The following APAF1 variants were observed in gnomAD, a reference collection of about 807,000 sequenced individuals.
The protein encoded by APAF1 is apoptotic peptidase activating factor 1, also known as apoptotic protease-activating factor 1.
In APAF1, 91 loss-of-function variants were observed where a neutral mutation model predicts 152.4. The observed-to-expected ratio is 0.60, with a 90% CI of 0.50 to 0.71. The LOEUF is 0.71. Ranked by LOEUF, APAF1 falls within the 30% of genes least tolerant of loss-of-function variation. The pLI is 0.00. For missense variants in APAF1, 1,283 were observed against 1,472.0 expected, an observed-to-expected ratio of 0.87 and a Z score of 2.10; for synonymous variants, 484 against 494.1, an observed-to-expected ratio of 0.98 and a Z score of 0.27.
intron 4 of APAF1, among the ~76,000 whole-genome samples, chr12:98,653,482 C>T (rs1465865928): frequency 1.3e-5 from 2 of 149,696 alleles, no homozygotes; most frequent in African/African-American, 2.5e-5. Flanking sequence ...CATGGTGAAA[C>T]CCCGTCTCTA....
rs963280514 is a variant in APAF1, at chr12:98,732,635, T to C, written c.*69T>C. ...TTGGAAAAAAATTCTAATGAAACCC[T>C]GATATCAACTTTTTATAAAGCTCTT... On this transcript the variant is annotated 3_prime_UTR_variant, in exon 27 of 27. Coordinates refer to ENST00000551964, the MANE Select transcript of APAF1 (RefSeq NM_181861.2). The C allele has an allele frequency of 2.9e-6, 3 of 1,042,294 alleles. No individual in the cohort carries two copies. The highest frequency in any genetic ancestry group is 4.3e-6 in the Non-Finnish European group (3 of 698,996). The allele number at this position is 1,042,294 out of a possible 1,614,324, so 64.6% of individuals were successfully genotyped here. A position where few individuals can be genotyped will look rare whatever the true frequency, so the allele number is the denominator to read the frequency against.
At chr12:98,663,051 G>A (rs986796567) in intron 7 of APAF1, among the ~76,000 whole-genome samples, 1 of 152,170 alleles carries the variant, frequency 6.6e-6, no homozygotes, top group Non-Finnish European at 1.5e-5. Context: ...AGAGAAGTGA[G>A]ACACAGATGT....
rs768551064 is a variant in APAF1, at chr12:98,683,171, T to C, written c.2075T>C (p.Val692Ala). The C allele has an allele frequency of 1.9e-6, 3 of 1,613,368 alleles. No individual in the cohort carries two copies. In the African/African-American group the frequency reaches 4.0e-5, roughly 22 times the overall value. ...TGGAATTCTATGACTGGGGAACTAG[T>C]ACACACCTATGATGAGCACTCAGAG... Reference protein sequence around the residue: ...KIWNSMTGELVHTYDEHSEQV... With the variant: ...KIWNSMTGELAHTYDEHSEQV... The change falls in exon 15 of 27, where the codon GTA becomes GCA. Residue 692 changes from valine (V) to alanine (A), a missense_variant. Transcript: ENST00000551964.
At chr12:98,718,325 G>A (rs968217115) in intron 22 of APAF1, among the ~76,000 whole-genome samples, 1 of 151,822 alleles carries the variant, frequency 6.6e-6, no homozygotes, top group Non-Finnish European at 1.5e-5. Flanking sequence ...CTCCACCTCC[G>A]AGGTTCAAGT....
At chr12:98,692,990 A>C (rs2097705931) in intron 16 of APAF1, among the ~76,000 whole-genome samples, 1 of 152,138 alleles carries the variant, frequency 6.6e-6, no homozygotes, top group Admixed American at 6.5e-5. Context: ...TCACCGAACA[A>C]ATTTACATTC....
chr12:98,727,730 C>T (rs1476386778), intron 26 of APAF1, among the ~76,000 whole-genome samples: 2 of 152,088 alleles, frequency 1.3e-5, no homozygotes, highest in African/African-American at 4.8e-5. Flanking sequence ...CACCTGAGGT[C>T]AGGAGTTTGA....
chr12:98,686,847 A>G lies in APAF1; in HGVS notation c.2278A>G (p.Ser760Gly), dbSNP rs751896428. The G allele has an allele frequency of 6.2e-7, 1 of 1,614,008 alleles. No homozygotes were observed. Among genetic ancestry groups the G allele is most frequent in the Non-Finnish European group, 8.5e-7 (1 of 1,179,944 alleles). The change falls in exon 16 of 27, where the codon AGT (serine) becomes GGT (glycine). Residue 760 changes from serine (S) to glycine (G), a missense_variant. Transcript: ENST00000551964. ...TTCACCAGATGATAAGCTTTTGGCT[A>G]GTTGTTCAGCTGATGGAACCTTAAA... Reference protein sequence around the residue: ...RFSPDDKLLASCSADGTLKLW... With the variant: ...RFSPDDKLLAGCSADGTLKLW...
chr12:98,712,589 C>T (rs11109576), intron 21 of APAF1, 154 bp downstream of exon 21: 219,970 of 624,044 alleles, frequency 0.35, 40,343 homozygotes, highest in African/African-American at 0.56. Context: ...CGATCACAGC[C>T]GACTGCAGCC....
At chr12:98,712,960 G>C (rs1436133843) in intron 21 of APAF1, among the ~76,000 whole-genome samples, 1 of 151,704 alleles carries the variant, frequency 6.6e-6, no homozygotes, top group South Asian at 2.1e-4. Context: ...TGGGACTTCA[G>C]GTATGCACCA....
At chr12:98,710,499 T>G (rs2097726791) in intron 20 of APAF1, among the ~76,000 whole-genome samples, 1 of 152,070 alleles carries the variant, frequency 6.6e-6, no homozygotes. Flanking sequence ...ACGAGAGTAA[T>G]AGAGCACATG....
chr12:98,717,114 C>T (rs931772090), intron 22 of APAF1, among the ~76,000 whole-genome samples: 5 of 151,906 alleles, frequency 3.3e-5, no homozygotes, highest in African/African-American at 9.7e-5. Flanking sequence ...GTGATCCGCC[C>T]GCCTCGGCCT....
chr12:98,659,129 G>C (rs2097661457), intron 4 of APAF1, 31 bp from the exon 5 acceptor site: 2 of 1,607,146 alleles, frequency 1.2e-6, no homozygotes, highest in African/African-American at 1.3e-5. Context: ...CTGTTGAAAG[G>C]CCTTAAGTTC....
At chr12:98,717,549 T>C (rs905395477) in intron 22 of APAF1, among the ~76,000 whole-genome samples, 29 of 152,022 alleles carry the variant, frequency 1.9e-4, no homozygotes, top group African/African-American at 6.5e-4. Flanking sequence ...CTAATTTTTG[T>C]ATATTTAGTA....
intron 26 of APAF1, 82 bp from the exon 27 acceptor site, chr12:98,732,338 A>AG: frequency 1.6e-6 from 2 of 1,258,832 alleles, no homozygotes; most frequent in Non-Finnish European, 2.3e-6. Flanking sequence ...GGGAGGAGAT[A>AG]GGGTAAAGGA....
chr12:98,701,290 A>T (rs941758803), intron 17 of APAF1, among the ~76,000 whole-genome samples: 6 of 151,998 alleles, frequency 3.9e-5, no homozygotes, highest in Non-Finnish European at 7.4e-5. Context: ...GTTTGTTTCC[A>T]CCTTTTGGCT....
chr12:98,715,197 A>C (rs541679942), intron 21 of APAF1, among the ~76,000 whole-genome samples: 1 of 118,148 alleles, frequency 8.5e-6, no homozygotes, highest in Non-Finnish European at 1.7e-5. Context: ...GTTTTATTTT[A>C]GGGTCCAATA....
chr12:98,712,319 C>T lies in APAF1; in HGVS notation c.2842C>T (p.Leu948Phe), dbSNP rs771652223. The part of the protein sequence containing the change: ...LAVDHIRRLQ[L>F]INGRTGQIDY... ...CTGATTTTGCCTCATTTTTCATTAGCTCATTAATGGAAGAACAGGTCAGAT... is the reference window on the plus strand; with the variant it reads ...CTGATTTTGCCTCATTTTTCATTAGTTCATTAATGGAAGAACAGGTCAGAT... The change falls in exon 21 of 27, where the codon CTC (leucine) becomes TTC (phenylalanine). Residue 948 changes from leucine (L) to phenylalanine (F), a missense_variant and splice_region_variant. By Grantham distance (22) the Leu-to-Phe change is conservative. Coordinates refer to ENST00000551964, the MANE Select transcript of APAF1 (RefSeq NM_181861.2). 8 of 1,591,090 alleles carry T rather than the reference C, an allele frequency of 5.0e-6. No individual in the cohort carries two copies. Among genetic ancestry groups the T allele is most frequent in the Non-Finnish European group, 6.0e-6 (7 of 1,159,434 alleles).
Position 98,706,499 on chromosome 12 carries a change from C to T in APAF1, c.2610C>T (p.Asp870=). The T allele has an allele frequency of 1.2e-6, 2 of 1,613,998 alleles. No homozygotes were observed. The highest frequency in any genetic ancestry group is 1.7e-6 in the Non-Finnish European group (2 of 1,179,900). The change falls in exon 19 of 27, where the codon GAC becomes GAT. Residue 870 remains aspartate (D), a synonymous_variant. Coordinates refer to ENST00000551964, the MANE Select transcript of APAF1 (RefSeq NM_181861.2). ...SQYCVELWNT[D]SRSKVADCRG... ...TTATTCTGTAGTTGTGGAATACAGA[C>T]TCACGTTCAAAGGTGGCTGATTGCA...
intron 25 of APAF1, chr12:98,726,800 G>C: frequency 6.3e-6 from 1 of 158,762 alleles, no homozygotes; most frequent in South Asian, 1.8e-4. Context: ...TGATTATTCA[G>C]AATATAGGAA....
Sources: allele counts gnomAD v4.1 joint callset (sites outside exome capture counted in the v4.1 genomes callset), GRCh38; gene constraint gnomAD v4.1.1; transcripts MANE v1.5; gene names NCBI Gene and HGNC (gene_info 2026-07-23, HGNC 2026-07-21).